Variants in SORCS2 observed in about 807,000 individuals in gnomAD.
SORCS2 encodes VPS10 domain-containing receptor SorCS2.
In SORCS2, 100 loss-of-function variants were observed where a neutral mutation model predicts 141.6. That is an observed-to-expected ratio of 0.71 (90% confidence interval 0.60 to 0.83). SORCS2 has a LOEUF of 0.83. Among genes scored for constraint, SORCS2 ranks in the 40% least tolerant of loss-of-function variants. The probability of loss-of-function intolerance (pLI) is 0.00; values close to 1 mark genes in which losing one functional copy is unlikely to be tolerated. For synonymous variants in SORCS2, 789 were observed against 676.9 expected (o/e 1.17, Z -2.57); for missense variants, 1,646 against 1,560.2 (o/e 1.05, Z -0.93).
At chr4:7,541,353 C>T (rs1366555023) in intron 3 of SORCS2, among the ~76,000 whole-genome samples, 2 of 152,348 alleles carry the variant, frequency 1.3e-5, no homozygotes, top group East Asian at 1.9e-4. Flanking sequence ...TCATGGGAAG[C>T]CTTGCTAACT....
At chr4:7,396,210 G>A (rs1724203933) in intron 1 of SORCS2, 78 bp from the exon 2 acceptor site, 4 of 1,390,892 alleles carry the variant, frequency 2.9e-6, no homozygotes, top group Non-Finnish European at 3.0e-6. Context: ...TTCTGGCACG[G>A]AGTGGTGTCA....
chr4:7,458,366 G>A (rs1729059674), intron 2 of SORCS2, among the ~76,000 whole-genome samples: 1 of 152,090 alleles, frequency 6.6e-6, no homozygotes, highest in Admixed American at 6.5e-5. Flanking sequence ...CTGGGTGCAG[G>A]TCTGGTCTTG....
At chr4:7,701,372 G>C (rs762919082) in intron 12 of SORCS2, among the ~76,000 whole-genome samples, 1 of 152,182 alleles carries the variant, frequency 6.6e-6, no homozygotes, top group Non-Finnish European at 1.5e-5. Context: ...AGGTAAAAGT[G>C]CTTCCTGGAG....
chr4:7,697,184 T>C lies in SORCS2; in HGVS notation c.1592-14T>C. On this transcript the variant is annotated splice_polypyrimidine_tract_variant and intron_variant, in intron 11 of 26. Transcript: ENST00000507866. ...GATCCTAAGGGTAGTACTGCCCCTT[T>C]TCTTTTGGACCAGGTAACCTGGGCT... 1 of 1,568,974 alleles carries C rather than the reference T, an allele frequency of 6.4e-7. No individual in the cohort carries two copies. The highest frequency in any genetic ancestry group is 1.2e-5 in the South Asian group (1 of 85,050).
At position 7,664,441 on chromosome 4, in the gene SORCS2, G is replaced by A. The variant is rs1254091542; in HGVS notation, c.1041G>A (p.Leu347=). The A allele has an allele frequency of 1.2e-6, 2 of 1,613,718 alleles. No individual in the cohort carries two copies. The highest frequency in any genetic ancestry group is 2.2e-5 in the South Asian group (2 of 91,044). ...PFAGPIDHGS[L]TVQDDYIFFK... The stretch of plus-strand genomic sequence containing the variant: ...CAGGCCCCATTGACCACGGGTCTCT[G>A]ACCGTGCAGGACGATTACATCTTCT... The change falls in exon 7 of 27, where the codon CTG becomes CTA. Residue 347 remains leucine, a synonymous_variant. Coordinates refer to ENST00000507866, the MANE Select transcript of SORCS2 (RefSeq NM_020777.3). This position sits in a 1 kb window ranked among gnomAD's most constrained non-coding sequence, Gnocchi z 4.7.
rs560416929 is a variant in SORCS2, at chr4:7,523,409, A to G, written c.549-8121A>G. On this transcript the variant is annotated intron_variant, in intron 2 of 26. Transcript: ENST00000507866. The stretch of plus-strand genomic sequence containing the variant: ...CCCAGAGCACCTCCAAAGGAATCCA[A>G]CAAGCATTTATTGAGTGCCAGCTGT... Among the ~76,000 whole-genome samples the G allele has an allele frequency of 2.0e-4, 30 of 152,278 alleles. No individual in the cohort carries two copies. The South Asian group carries it at 5.6e-3, about 28-fold the overall frequency.
At chr4:7,247,746 C>T (rs1192853174) in intron 1 of SORCS2, among the ~76,000 whole-genome samples, 1 of 152,218 alleles carries the variant, frequency 6.6e-6, no homozygotes, top group Non-Finnish European at 1.5e-5. Context: ...TGCTTCTTTG[C>T]TGAGCCCCAG....
chr4:7,624,323 T>C (rs1349449432), intron 3 of SORCS2, among the ~76,000 whole-genome samples: 1 of 152,214 alleles, frequency 6.6e-6, no homozygotes, highest in Non-Finnish European at 1.5e-5. Flanking sequence ...GGTCCCTAAA[T>C]GGATGACCAT....
intron 1 of SORCS2, among the ~76,000 whole-genome samples, chr4:7,384,584 C>T (rs758657555): frequency 1.3e-5 from 2 of 151,868 alleles, no homozygotes; most frequent in Admixed American, 6.6e-5. Context: ...GCAAACCACC[C>T]GTGTCCACAC....
At chr4:7,690,336 T>C (rs1202220067) in intron 11 of SORCS2, among the ~76,000 whole-genome samples, 8 of 19,588 alleles carry the variant, frequency 4.1e-4, no homozygotes, top group African/African-American at 1.6e-3. Context: ...GACGGGTGGG[T>C]GGGTGGGTGT....
chr4:7,651,481 G>A (rs192372587), intron 4 of SORCS2, among the ~76,000 whole-genome samples: 8 of 152,324 alleles, frequency 5.3e-5, no homozygotes, highest in South Asian at 2.1e-4. Context: ...CTGCTATCCC[G>A]TTAATCTCCT....
intron 1 of SORCS2, among the ~76,000 whole-genome samples, chr4:7,346,540 G>A (rs1218372595): frequency 6.6e-6 from 1 of 152,180 alleles, no homozygotes; most frequent in Non-Finnish European, 1.5e-5. Context: ...TTTTATAAAT[G>A]TCAACTAGGT....
chr4:7,630,029 C>G (rs896579815), intron 3 of SORCS2, among the ~76,000 whole-genome samples: 20 of 152,212 alleles, frequency 1.3e-4, no homozygotes, highest in African/African-American at 4.8e-4. Flanking sequence ...AAGGCCAGGT[C>G]ACCAGGTTAT....
chr4:7,545,404 T>C (rs1004705838), intron 3 of SORCS2, among the ~76,000 whole-genome samples: 1 of 152,176 alleles, frequency 6.6e-6, no homozygotes, highest in African/African-American at 2.4e-5. Flanking sequence ...AGACTTACCA[T>C]GTGCTGGGTG....
intron 3 of SORCS2, among the ~76,000 whole-genome samples, chr4:7,623,005 T>A (rs1719302926): frequency 6.6e-6 from 1 of 152,086 alleles, no homozygotes; most frequent in Admixed American, 6.5e-5. Flanking sequence ...TAGGACTGAC[T>A]GATGACCGAT....
In SORCS2 at chr4:7,715,213, A is replaced by G. The variant is rs977655048; in HGVS notation, c.2154A>G (p.Ser718=). The G allele has an allele frequency of 3.1e-6, 5 of 1,613,762 alleles. No individual in the cohort carries two copies. Among genetic ancestry groups the G allele is most frequent in the Non-Finnish European group, 4.2e-6 (5 of 1,179,850 alleles). Residue 718 remains serine (S), a synonymous_variant, in exon 17 of 27, where the codon TCA becomes TCG. Transcript: ENST00000507866. ...ACGGATTTGAGCGCTCCTCCTCCTC[A>G]GAGTCCAGCACCAACAAGTGCTCTG... ...CDYGFERSSS[S]ESSTNKCSAN... is the part of the protein sequence containing the mutation.
intron 12 of SORCS2, among the ~76,000 whole-genome samples, chr4:7,701,137 T>C (rs7695567): frequency 0.07 from 10,563 of 151,650 alleles, 493 homozygotes; most frequent in African/African-American, 0.13. Flanking sequence ...CTCTGTGTCA[T>C]TTGGCATCAC....
chr4:7,687,498 T>C (rs731504), intron 10 of SORCS2, among the ~76,000 whole-genome samples: 26,337 of 152,066 alleles, frequency 0.17, 2,872 homozygotes, highest in East Asian at 0.39. Context: ...TTTGTCACTA[T>C]TGGATCCAGG....
chr4:7,538,303 G>C (rs1429450478), intron 3 of SORCS2, among the ~76,000 whole-genome samples: 2 of 152,134 alleles, frequency 1.3e-5, no homozygotes, highest in African/African-American at 4.8e-5. Flanking sequence ...TGGCCTTGCT[G>C]CTCCTGGCCA....
Sources: gnomAD v4.1 joint callset for allele counts (sites outside exome capture counted in the v4.1 genomes callset) on GRCh38, gnomAD v4.1.1 for gene constraint, Gnocchi (gnomAD v3.1) non-coding constraint, MANE v1.5 for transcripts, NCBI Gene and HGNC (gene_info 2026-07-23, HGNC 2026-07-21) for gene names.